The following TP73 variants were observed in gnomAD, a reference collection of about 807,000 sequenced individuals.
TP73 encodes the protein p53-like transcription factor.
A neutral mutation model predicts 62.5 loss-of-function variants in TP73; 25 were observed. The ratio of observed to expected loss-of-function variants is 0.40; its 90% CI spans 0.29 to 0.56. The LOEUF (loss-of-function observed/expected upper bound fraction) is 0.56. Among genes scored for constraint, TP73 ranks in the 20% least tolerant of loss-of-function variants. The pLI, the probability that TP73 is intolerant of heterozygous loss-of-function variation, is 0.46. For missense variants in TP73, 754 were observed against 913.3 expected, an observed-to-expected ratio of 0.83 and a Z score of 2.25; for synonymous variants, 423 against 377.5, an observed-to-expected ratio of 1.12 and a Z score of -1.40.
chr1:3,667,979 C>T (rs912416549), intron 1 of TP73, among the ~76,000 whole-genome samples: 2 of 152,208 alleles, frequency 1.3e-5, no homozygotes, highest in Non-Finnish European at 2.9e-5. Flanking sequence ...GCTAGTTGCT[C>T]TTCAGACCAG....
chr1:3,729,516 CAGG>C lies in TP73; in HGVS notation c.1196+73_1196+75del, dbSNP rs1369151699. On this transcript the variant is annotated intron_variant, in intron 10 of 13. Transcript: ENST00000378295. ...ATGGCTTAACCCCCCAGGAGAAGGC[CAGG>C]AGGACCAGAAACCCCTCCAGAAGGC... 341 of 1,605,754 alleles carry C rather than the reference CAGG, an allele frequency of 2.1e-4. 6 individuals carry two copies. The highest frequency in any genetic ancestry group is 1.8e-3 in the South Asian group (167 of 90,668).
chr1:3,684,044 A>G (rs1403483237), intron 3 of TP73, among the ~76,000 whole-genome samples: 1 of 152,196 alleles, frequency 6.6e-6, no homozygotes, highest in Non-Finnish European at 1.5e-5. Context: ...GGTGGGGGCC[A>G]CGCTCCTGCC....
Position 3,732,834 on chromosome 1 carries a change from A to G in TP73, c.1666A>G (p.Thr556Ala). 6.2e-7 allele frequency: 1 copy of G among 1,611,788 alleles called. No homozygotes were observed. Among genetic ancestry groups the G allele is most frequent in the Middle Eastern group, 1.7e-4 (1 of 6,058 alleles). The change falls in exon 14 of 14, where the codon ACC becomes GCC. Residue 556 changes from threonine (T) to alanine (A), a missense_variant. By Grantham distance (58) the Thr-to-Ala change is moderately conservative. This residue lies in a region of TP73 where 458 missense variants were observed against 528.7 expected (regional missense o/e 0.87). Coordinates refer to ENST00000378295, the MANE Select transcript of TP73 (RefSeq NM_005427.4). ...QDLKQGHDYSTAQQLLRSSNA... is the reference protein window; with the variant it reads ...QDLKQGHDYSAAQQLLRSSNA... ...CCTGAAGCAGGGCCACGACTACAGC[A>G]CCGCGCAGCAGCTGCTCCGCTCTAG...
intron 6 of TP73, among the ~76,000 whole-genome samples, chr1:3,726,641 GTGGA>G (rs918618757): frequency 8.7e-5 from 12 of 138,158 alleles, no homozygotes; most frequent in Non-Finnish European, 1.7e-4. Flanking sequence ...GATGGATGGG[GTGGA>G]TGGATGGATG....
At position 3,672,815 on chromosome 1, in the gene TP73, G is replaced by T. The variant is rs967250047; in HGVS notation, c.-33-9518G>T. On this transcript the variant is annotated intron_variant, in intron 1 of 13. Coordinates refer to ENST00000378295, the MANE Select transcript of TP73 (RefSeq NM_005427.4). This position sits in a 1 kb window ranked among gnomAD's most constrained non-coding sequence, Gnocchi z 5.3. Reference sequence around the variant, plus strand: ...TGCCGCCAACCTCGTCCCCCCAAGGGCCATGTCCCTGCCCACCCCTTCCAC... The same window carrying T: ...TGCCGCCAACCTCGTCCCCCCAAGGTCCATGTCCCTGCCCACCCCTTCCAC... Among the ~76,000 whole-genome samples, 2 of 152,122 alleles carry T rather than the reference G, an allele frequency of 1.3e-5. No homozygotes were observed. The highest frequency in any genetic ancestry group is 4.8e-5 in the African/African-American group (2 of 41,422).
chr1:3,684,463 C>T (rs1385822335), intron 3 of TP73, among the ~76,000 whole-genome samples: 1 of 152,222 alleles, frequency 6.6e-6, no homozygotes, highest in Admixed American at 6.5e-5. Context: ...CTTCCTTGCC[C>T]CTGCGCACGA....
intron 10 of TP73, 43 bp downstream of exon 10, chr1:3,729,491 A>G (rs757243635): frequency 6.2e-6 from 10 of 1,611,022 alleles, no homozygotes; most frequent in Middle Eastern, 1.6e-4. Flanking sequence ...GAAGGAGGAC[A>G]TGGCTTAACC....
At chr1:3,688,495 G>T (rs572435056) in intron 3 of TP73, among the ~76,000 whole-genome samples, 13 of 152,298 alleles carry the variant, frequency 8.5e-5, no homozygotes, top group South Asian at 2.1e-4. Flanking sequence ...CCCCTGTCCT[G>T]CGGCCCAGGG....
At chr1:3,668,056 C>T (rs930995692) in intron 1 of TP73, among the ~76,000 whole-genome samples, 3 of 152,230 alleles carry the variant, frequency 2.0e-5, no homozygotes, top group African/African-American at 4.8e-5. Context: ...ACCCACCCAC[C>T]TTTTGTCTCC....
chr1:3,720,223 T>C (rs560482581), intron 4 of TP73, among the ~76,000 whole-genome samples: 48 of 152,340 alleles, frequency 3.2e-4, no homozygotes, highest in African/African-American at 1.1e-3. Flanking sequence ...GCCCGTTTCC[T>C]GCTTTTCTAA....
At chr1:3,711,005 C>T (rs966087009) in intron 4 of TP73, among the ~76,000 whole-genome samples, 1 of 152,270 alleles carries the variant, frequency 6.6e-6, no homozygotes, top group Non-Finnish European at 1.5e-5. Context: ...AGGGCAAGGC[C>T]GGCATTTGGT....
intron 11 of TP73, 114 bp downstream of exon 11, chr1:3,730,262 GC>G (rs1642028472): frequency 2.4e-6 from 3 of 1,235,350 alleles, no homozygotes; most frequent in Non-Finnish European, 3.2e-6. Context: ...TCTGTGGCTG[GC>G]TCCTTCCAGC....
rs754080860 is a variant in TP73 at position 3,672,913 on chromosome 1, G to A, written c.-33-9420G>A. The stretch of plus-strand genomic sequence containing the variant: ...CCCCACCTCCAAACCCTCCTGACCC[G>A]CTTACCCCCAGGAGCACCGCCCACT... On this transcript the variant is annotated intron_variant, in intron 1 of 13. Transcript: ENST00000378295. The surrounding 1 kb of genome is among the most constrained non-coding windows in gnomAD (Gnocchi z 5.3). 6.6e-5 allele frequency among the ~76,000 whole-genome samples: 10 copies of A among 151,788 alleles called. No homozygotes were observed. The highest frequency in any genetic ancestry group is 9.7e-5 in the African/African-American group (4 of 41,360).
At chr1:3,708,138 G>A (rs573140624) in intron 4 of TP73, 19 of 344,712 alleles carry the variant, frequency 5.5e-5, no homozygotes, top group African/African-American at 2.5e-4. Flanking sequence ...ACAGAGGCAC[G>A]GGCTCTGCTG....
intron 4 of TP73, among the ~76,000 whole-genome samples, chr1:3,710,252 C>T (rs1260712006): frequency 6.6e-6 from 1 of 152,042 alleles, no homozygotes; most frequent in African/African-American, 2.4e-5. Flanking sequence ...TCGCCTGCAC[C>T]CAGGGCTCCT....
chr1:3,669,022 A>ACGCTGC (rs1645182960), intron 1 of TP73, among the ~76,000 whole-genome samples: 1 of 152,218 alleles, frequency 6.6e-6, no homozygotes, highest in Non-Finnish European at 1.5e-5. Context: ...CAGGCCGGCC[A>ACGCTGC]CGCTGCCGCC....
intron 11 of TP73, among the ~76,000 whole-genome samples, chr1:3,730,352 C>T (rs1199581109): frequency 2.0e-5 from 3 of 152,208 alleles, no homozygotes; most frequent in Non-Finnish European, 4.4e-5. Flanking sequence ...TGGAGGGGGG[C>T]GTGGTTAAGA....
At chr1:3,667,183 G>A (rs1258246292) in intron 1 of TP73, among the ~76,000 whole-genome samples, 1 of 152,226 alleles carries the variant, frequency 6.6e-6, no homozygotes, top group African/African-American at 2.4e-5. Context: ...CCAGAACCAA[G>A]AGAAGACAGG....
At chr1:3,705,185 C>G (rs575669447) in intron 3 of TP73, among the ~76,000 whole-genome samples, 2 of 152,360 alleles carry the variant, frequency 1.3e-5, no homozygotes, top group South Asian at 4.1e-4. Flanking sequence ...TACGGGCGTC[C>G]CCCCGTGATG....
Sources: allele counts gnomAD v4.1 joint callset (sites outside exome capture counted in the v4.1 genomes callset), GRCh38; gene constraint gnomAD v4.1.1; regional missense constraint gnomAD v4.1.1; non-coding constraint Gnocchi (gnomAD v3.1); transcripts MANE v1.5; gene names NCBI Gene and HGNC (gene_info 2026-07-23, HGNC 2026-07-21).